NTM: variants seen among roughly 807,000 people sequenced by gnomAD.
The protein encoded by NTM is IgLON family member 2.
In NTM, 13 loss-of-function variants were observed where a neutral mutation model predicts 42.1. The observed-to-expected ratio is 0.31, with a 90% CI of 0.20 to 0.49. The LOEUF (loss-of-function observed/expected upper bound fraction) is 0.49, where lower values mean the gene tolerates loss of function less well. NTM is among the 20% of genes least tolerant of loss of function. The pLI is 0.99. For missense variants in NTM, 373 were observed against 452.8 expected, an observed-to-expected ratio of 0.82 and a Z score of 1.60; for synonymous variants, 187 against 179.2, an observed-to-expected ratio of 1.04 and a Z score of -0.35.
At chr11:131,462,810 G>A (rs763893202) in intron 1 of NTM, among the ~76,000 whole-genome samples, 41 of 151,778 alleles carry the variant, frequency 2.7e-4, no homozygotes, top group Non-Finnish European at 5.2e-4. Context: ...TCTCCCTAGA[G>A]CAGGCCCACC....
At chr11:131,891,340 A>T (rs1592613872) in intron 1 of NTM, among the ~76,000 whole-genome samples, 1 of 152,244 alleles carries the variant, frequency 6.6e-6, no homozygotes, top group East Asian at 1.9e-4. Context: ...TTGAGGGGTG[A>T]ATAGTGTTGA....
intron 1 of NTM, among the ~76,000 whole-genome samples, chr11:131,515,827 C>T (rs867053069): frequency 2.6e-5 from 4 of 152,052 alleles, no homozygotes; most frequent in Non-Finnish European, 5.9e-5. Context: ...CCTGTGGATG[C>T]CCAGCCTAAT....
intron 1 of NTM, among the ~76,000 whole-genome samples, chr11:131,379,219 T>C (rs532529448): frequency 8.5e-5 from 13 of 152,340 alleles, no homozygotes; most frequent in African/African-American, 3.1e-4. Flanking sequence ...TCTTTTGGGC[T>C]CTGACCCCTC....
In NTM at chr11:131,979,018, A is replaced by G. The variant is rs150820080; in HGVS notation, c.167+67370A>G. ...TAAGTGAGGGTACAGAGCCTCCGAGAGCATGTAAATCGCTCGCTCTTGGGT... is the reference window on the plus strand; with the variant it reads ...TAAGTGAGGGTACAGAGCCTCCGAGGGCATGTAAATCGCTCGCTCTTGGGT... On this transcript the variant is annotated intron_variant, in intron 2 of 8. Coordinates refer to ENST00000683400, the MANE Select transcript of NTM (RefSeq NM_001352005.2). Among the ~76,000 whole-genome samples, 626 of 152,196 alleles carry G rather than the reference A, an allele frequency of 4.1e-3. 3 individuals carry two copies. The highest frequency in any genetic ancestry group is 0.014 in the African/African-American group (590 of 41,516).
chr11:131,651,876 C>T (rs1306587210), intron 1 of NTM, among the ~76,000 whole-genome samples: 1 of 72,542 alleles, frequency 1.4e-5, no homozygotes, highest in Non-Finnish European at 2.8e-5. Context: ...AAAAAAATAT[C>T]ATAAAAAGCA....
chr11:132,033,135 G>C (rs2076125348), intron 2 of NTM, among the ~76,000 whole-genome samples: 1 of 152,184 alleles, frequency 6.6e-6, no homozygotes, highest in Non-Finnish European at 1.5e-5. Context: ...ACTATACACA[G>C]ATAATGAGAG....
chr11:132,292,787 T>TAAAAAAAAAAAAAAAAAAAAAA (rs61603794), intron 4 of NTM, among the ~76,000 whole-genome samples: 17 of 56,568 alleles, frequency 3.0e-4, no homozygotes, highest in Non-Finnish European at 3.6e-4. Context: ...GATGTAAAAG[T>TAAAAAAAAAAAAAAAAAAAAAA]AAAAAAAAAA....
At chr11:131,941,637 C>A (rs2059803355) in intron 2 of NTM, among the ~76,000 whole-genome samples, 1 of 152,166 alleles carries the variant, frequency 6.6e-6, no homozygotes, top group African/African-American at 2.4e-5. Flanking sequence ...AACGATAGAA[C>A]TTTGTTTGAC....
chr11:131,797,318 C>G (rs1196495761), intron 1 of NTM, among the ~76,000 whole-genome samples: 1 of 152,134 alleles, frequency 6.6e-6, no homozygotes, highest in Non-Finnish European at 1.5e-5. Flanking sequence ...AACATTTGCT[C>G]TAGGTGGGAC....
In NTM at chr11:132,141,993, A is replaced by G. The variant is rs1388386836; in HGVS notation, c.168-4289A>G. Among the ~76,000 whole-genome samples the G allele has an allele frequency of 3.9e-5, 6 of 152,170 alleles. No homozygotes were observed. In the East Asian group the frequency reaches 1.2e-3, roughly 29 times the overall value. On this transcript the variant is annotated intron_variant, in intron 2 of 8. Transcript: ENST00000683400. Reference sequence around the variant, plus strand: ...GGGCAACATTGAAGCTGGAGGACAGAAGGGAGCTGGAGTTGCAGGGCCCAG... The same window carrying G: ...GGGCAACATTGAAGCTGGAGGACAGGAGGGAGCTGGAGTTGCAGGGCCCAG...
chr11:132,039,949 G>T (rs757096634), intron 2 of NTM, among the ~76,000 whole-genome samples: 3 of 151,888 alleles, frequency 2.0e-5, no homozygotes, highest in Non-Finnish European at 4.4e-5. Context: ...TTTGGAGACA[G>T]AGTCTCGCTC....
At chr11:131,835,684 T>C (rs1592178370) in intron 1 of NTM, among the ~76,000 whole-genome samples, 1 of 152,268 alleles carries the variant, frequency 6.6e-6, no homozygotes, top group Non-Finnish European at 1.5e-5. Flanking sequence ...TTAGAGCTAT[T>C]AATTACAGAA....
intron 7 of NTM, among the ~76,000 whole-genome samples, chr11:132,318,595 AGACTAT>A (rs770138802): frequency 5.0e-4 from 76 of 152,272 alleles, no homozygotes; most frequent in East Asian, 3.9e-4. Flanking sequence ...TGACTCATTA[AGACTAT>A]GACTATGACT....
intron 1 of NTM, among the ~76,000 whole-genome samples, chr11:131,790,764 C>T (rs1287962622): frequency 6.6e-6 from 1 of 152,146 alleles, no homozygotes; most frequent in Non-Finnish European, 1.5e-5. Flanking sequence ...GGAATTCTCT[C>T]CATAGCAATT....
At chr11:131,371,037 C>T (rs1941098780) in intron 1 of NTM, 149 bp downstream of exon 1, 45 of 1,463,640 alleles carry the variant, frequency 3.1e-5, no homozygotes, top group Non-Finnish European at 4.1e-5. Flanking sequence ...ACTTCATTCT[C>T]CCGACTAGGC....
intron 2 of NTM, among the ~76,000 whole-genome samples, chr11:131,963,700 C>T (rs2062482795): frequency 6.6e-6 from 1 of 152,186 alleles, no homozygotes; most frequent in African/African-American, 2.4e-5. Context: ...ATAAATAACA[C>T]AGTAATTGTT....
At chr11:131,389,961 G>C (rs1943800747) in intron 1 of NTM, among the ~76,000 whole-genome samples, 2 of 152,206 alleles carry the variant, frequency 1.3e-5, no homozygotes, top group African/African-American at 2.4e-5. Context: ...AGATGCAACA[G>C]AGAGAACTGG....
intron 4 of NTM, among the ~76,000 whole-genome samples, chr11:132,258,482 T>C (rs183237072): frequency 6.6e-6 from 1 of 152,304 alleles, no homozygotes; most frequent in East Asian, 1.9e-4. Flanking sequence ...CCACCCTAAG[T>C]AGTGTCTTTG....
intron 2 of NTM, among the ~76,000 whole-genome samples, chr11:132,104,067 G>A (rs1239439258): frequency 6.6e-6 from 1 of 152,192 alleles, no homozygotes; most frequent in African/African-American, 2.4e-5. Context: ...TGCAGACCGG[G>A]ACTGTGTTTT....
Sources: allele counts gnomAD v4.1 joint callset (sites outside exome capture counted in the v4.1 genomes callset), GRCh38; gene constraint gnomAD v4.1.1; transcripts MANE v1.5; gene names NCBI Gene and HGNC (gene_info 2026-07-23, HGNC 2026-07-21).